The following AGO3 variants were observed in gnomAD, a reference collection of about 807,000 sequenced individuals.
AGO3 encodes argonaute RISC catalytic component 3, also known as protein argonaute-3.
In AGO3, 16 loss-of-function variants were observed where a neutral mutation model predicts 105.5. The observed-to-expected ratio is 0.15, with a 90% CI of 0.10 to 0.23. AGO3 has a LOEUF of 0.23. Among genes scored for constraint, AGO3 ranks in the 10% least tolerant of loss-of-function variants. The pLI is 1.00. For missense variants in AGO3, 534 were observed against 1,088.0 expected, an observed-to-expected ratio of 0.49 and a Z score of 7.16; for synonymous variants, 340 against 367.3, an observed-to-expected ratio of 0.93 and a Z score of 0.85.
At chr1:35,963,801 G>A (rs564997458) in intron 2 of AGO3, among the ~76,000 whole-genome samples, 1 of 152,282 alleles carries the variant, frequency 6.6e-6, no homozygotes, top group Admixed American at 6.5e-5. Flanking sequence ...ATACTGCAAA[G>A]ACGTGGTGTC....
At chr1:36,053,819 G>A (rs1159990166) in intron 17 of AGO3, among the ~76,000 whole-genome samples, 2 of 146,546 alleles carry the variant, frequency 1.4e-5, no homozygotes, top group Non-Finnish European at 3.0e-5. Flanking sequence ...TGCGATCTCG[G>A]CTCACTGCAA....
chr1:36,036,892 C>T (rs2148846087), intron 14 of AGO3, among the ~76,000 whole-genome samples: 1 of 152,126 alleles, frequency 6.6e-6, no homozygotes, highest in South Asian at 2.1e-4. Context: ...GACGGGGCTT[C>T]ACCATGTTGG....
chr1:35,972,320 A>G (rs1307054603), intron 4 of AGO3, 88 bp downstream of exon 4: 2 of 1,358,930 alleles, frequency 1.5e-6, no homozygotes, highest in East Asian at 2.5e-5. Context: ...TTTATTTGTC[A>G]TATATTTTGA....
At chr1:35,994,741 AAAATT>A (rs1291705689) in intron 5 of AGO3, among the ~76,000 whole-genome samples, 15 of 152,224 alleles carry the variant, frequency 9.9e-5, no homozygotes, top group African/African-American at 3.6e-4. Context: ...GAAATGAAAA[AAAATT>A]TAAGTGCCAT....
chr1:35,995,122 A>G (rs1431017350), intron 5 of AGO3, among the ~76,000 whole-genome samples: 1 of 149,616 alleles, frequency 6.7e-6, no homozygotes, highest in Non-Finnish European at 1.5e-5. Context: ...AAGTGCTTGA[A>G]CCCGGGAAGC....
At position 36,016,512 on chromosome 1, in the gene AGO3, C is replaced by T. The variant is rs115789944; in HGVS notation, c.1406+2464C>T. 8.3e-3 allele frequency among the ~76,000 whole-genome samples: 1,270 copies of T among 152,154 alleles called. 19 individuals carry two copies. Among genetic ancestry groups the T allele is most frequent in the African/African-American group, 0.029 (1,191 of 41,520 alleles). On this transcript the variant is annotated intron_variant, in intron 11 of 18. Transcript: ENST00000373191. ...TACAGTTTACGATGTTCAGAGAAAC[C>T]TCTAGACTGAACTTAAAAGATGTAA... is the stretch of plus-strand genomic sequence containing the variant.
chr1:36,053,270 T>TTTTA (rs1456089459), intron 17 of AGO3, among the ~76,000 whole-genome samples: 2 of 151,928 alleles, frequency 1.3e-5, no homozygotes, highest in Non-Finnish European at 2.9e-5. Context: ...CTTTTAAAAT[T>TTTTA]TTTATTTTTA....
intron 17 of AGO3, among the ~76,000 whole-genome samples, chr1:36,044,363 A>T (rs896553621): frequency 6.6e-6 from 1 of 151,948 alleles, no homozygotes; most frequent in Non-Finnish European, 1.5e-5. Flanking sequence ...ATAAAAAAAA[A>T]TTTAATTGTA....
At chr1:36,002,935 G>T (rs1325732198) in intron 5 of AGO3, among the ~76,000 whole-genome samples, 3 of 152,104 alleles carry the variant, frequency 2.0e-5, no homozygotes, top group Admixed American at 6.5e-5. Flanking sequence ...GCCGGGTGTG[G>T]TGGTGGGCAC....
intron 11 of AGO3, among the ~76,000 whole-genome samples, chr1:36,024,690 C>G (rs899699739): frequency 6.6e-6 from 1 of 151,966 alleles, no homozygotes; most frequent in African/African-American, 2.4e-5. Flanking sequence ...ACATTTATTT[C>G]TTTATTTTAT....
intron 9 of AGO3, among the ~76,000 whole-genome samples, chr1:36,010,769 A>G (rs1640569477): frequency 1.3e-5 from 2 of 151,602 alleles, no homozygotes; most frequent in Non-Finnish European, 2.9e-5. Context: ...AGCCAGGCAT[A>G]GTGGCGCATG....
chr1:35,968,989 C>T (rs909592134), intron 3 of AGO3, among the ~76,000 whole-genome samples: 5 of 152,106 alleles, frequency 3.3e-5, no homozygotes, highest in Admixed American at 3.3e-4. Context: ...GCATGTCCCC[C>T]AACAATTAGT....
rs542916365 is a variant in AGO3, at chr1:36,063,235, G to T, written c.*7490G>T. ...TAGACAGATTTCTACATGTGGAGGG[G>T]AGGTGGGGCTTTCCTGTAAGTTTGA... On this transcript the variant is annotated 3_prime_UTR_variant, in exon 19 of 19. Coordinates refer to ENST00000373191, the MANE Select transcript of AGO3 (RefSeq NM_024852.4). The T allele has an allele frequency of 1.3e-5, 2 of 152,162 alleles. No individual in the cohort carries two copies. Among genetic ancestry groups the T allele is most frequent in the African/African-American group, 4.8e-5 (2 of 41,426 alleles). The allele number at this position is 152,162 out of a possible 1,614,324, so 9.4% of individuals were successfully genotyped here. A position where few individuals can be genotyped will look rare whatever the true frequency, so the allele number is the denominator to read the frequency against.
In AGO3 at chr1:35,931,152, G is replaced by C; in HGVS notation, c.-275G>C. 1 of 397,502 alleles carries C rather than the reference G, an allele frequency of 2.5e-6. No homozygotes were observed. Among genetic ancestry groups the C allele is most frequent in the Non-Finnish European group, 4.4e-6 (1 of 225,366 alleles). The allele number at this position is 397,502 out of a possible 1,614,324, so 24.6% of individuals were successfully genotyped here. ...GTCGTGGAGGAGCGGTGGGAGCGTCGGCGGCCGCGGGCGATGCAACTTCCG... is the reference window on the plus strand; with the variant it reads ...GTCGTGGAGGAGCGGTGGGAGCGTCCGCGGCCGCGGGCGATGCAACTTCCG... On this transcript the variant is annotated 5_prime_UTR_variant, in exon 1 of 19. Transcript: ENST00000373191.
rs1219615711 is a variant in AGO3, at chr1:36,067,173, A to C, written c.*11428A>C. ...TCCAGACAATGTAGTCTTTCCTGTA[A>C]AGAAAATGGTTTTGGTGTGGGATTT... On this transcript the variant is annotated 3_prime_UTR_variant, in exon 19 of 19. Coordinates refer to ENST00000373191, the MANE Select transcript of AGO3 (RefSeq NM_024852.4). 3 of 152,016 alleles carry C rather than the reference A, an allele frequency of 2.0e-5. No homozygotes were observed. The highest frequency in any genetic ancestry group is 4.4e-5 in the Non-Finnish European group (3 of 68,006). 9.4% of individuals were successfully genotyped at this position (152,016 alleles called of 1,614,324 possible). A position where few individuals can be genotyped will look rare whatever the true frequency, so the allele number is the denominator to read the frequency against.
At chr1:35,933,472 C>T (rs1369609506) in intron 1 of AGO3, among the ~76,000 whole-genome samples, 1 of 151,518 alleles carries the variant, frequency 6.6e-6, no homozygotes, top group Non-Finnish European at 1.5e-5. Context: ...GTGAGACCTG[C>T]CTCTACAAAA....
chr1:35,986,678 ACT>A (rs1172542017), intron 5 of AGO3, among the ~76,000 whole-genome samples: 3 of 150,182 alleles, frequency 2.0e-5, no homozygotes, highest in South Asian at 4.2e-4. Context: ...ACAGACTGAG[ACT>A]CTGCCTCAGA....
chr1:35,965,392 A>T (rs1646753493), intron 2 of AGO3, among the ~76,000 whole-genome samples: 1 of 150,178 alleles, frequency 6.7e-6, no homozygotes, highest in African/African-American at 2.4e-5. Flanking sequence ...TGGGAGGCTG[A>T]GGCAGGAGAA....
rs1048314282 is a variant in AGO3, at chr1:36,039,492, CAAAAAAAAAAA to C, written c.1843-284_1843-274del. On this transcript the variant is annotated intron_variant, in intron 14 of 18. Coordinates refer to ENST00000373191, the MANE Select transcript of AGO3 (RefSeq NM_024852.4). The stretch of plus-strand genomic sequence containing the variant: ...CTGATGACAGAGCAAGACTGCGTCT[CAAAAAAAAAAA>C]AAAAAAAAAAAAAGAGAGAAAGAGA... Among the ~76,000 whole-genome samples the C allele has an allele frequency of 5.9e-3, 326 of 55,644 alleles. 1 individual carries two copies. Among genetic ancestry groups the C allele is most frequent in the African/African-American group, 0.016 (308 of 19,088 alleles). The allele number at this position is 55,644 out of a possible 152,430, so 36.5% of individuals were successfully genotyped here. A position where few individuals can be genotyped will look rare whatever the true frequency, so the allele number is the denominator to read the frequency against.
Sources: gnomAD v4.1 joint callset for allele counts (sites outside exome capture counted in the v4.1 genomes callset) on GRCh38, gnomAD v4.1.1 for gene constraint, MANE v1.5 for transcripts, NCBI Gene and HGNC (gene_info 2026-07-23, HGNC 2026-07-21) for gene names.